SIPA1L3: variants seen among roughly 807,000 people sequenced by gnomAD.
The protein encoded by SIPA1L3 is signal induced proliferation associated 1 like 3.
SIPA1L3 carries 59 observed loss-of-function variants against 150.1 expected under a neutral mutation model. The ratio of observed to expected loss-of-function variants is 0.39; its 90% CI spans 0.32 to 0.49. The LOEUF (loss-of-function observed/expected upper bound fraction) is 0.49, where lower values mean the gene tolerates loss of function less well. SIPA1L3 is among the 20% of genes least tolerant of loss of function. The pLI is 0.86. For missense variants in SIPA1L3, 2,211 were observed against 2,489.5 expected (o/e 0.89, Z 2.38); for synonymous variants, 1,070 against 1,077.6 (o/e 0.99, Z 0.14).
At chr19:38,151,961 CAAAAAAAAAA>C (rs35851181) in intron 12 of SIPA1L3, among the ~76,000 whole-genome samples, 1 of 86,140 alleles carries the variant, frequency 1.2e-5, no homozygotes, top group African/African-American at 5.1e-5. Context: ...GACCCCATCT[CAAAAAAAAAA>C]AAAAAAAAAA....
intron 4 of SIPA1L3, among the ~76,000 whole-genome samples, chr19:38,096,632 G>A (rs533277410): frequency 2.2e-3 from 338 of 152,206 alleles, no homozygotes; most frequent in African/African-American, 7.5e-3. Context: ...TTCTTTGTGC[G>A]TTCTTGGTGT....
At chr19:38,194,758 A>AC (rs1972883453) in intron 18 of SIPA1L3, among the ~76,000 whole-genome samples, 1 of 150,406 alleles carries the variant, frequency 6.6e-6, no homozygotes, top group Non-Finnish European at 1.5e-5. Flanking sequence ...CCCTATTAAA[A>AC]CTCCCCTGCA....
intron 4 of SIPA1L3, among the ~76,000 whole-genome samples, chr19:38,094,748 C>T (rs73630888): frequency 0.017 from 2,639 of 152,044 alleles, 84 homozygotes; most frequent in African/African-American, 0.06. Flanking sequence ...ACCTGGACAA[C>T]GTAGCGAGAC....
At chr19:38,196,012 C>A (rs1330381700) in intron 18 of SIPA1L3, among the ~76,000 whole-genome samples, 31 of 152,118 alleles carry the variant, frequency 2.0e-4, no homozygotes. Context: ...CCTTCTCTGT[C>A]CATCTGACTC....
chr19:38,127,476 A>G (rs1015240461), intron 9 of SIPA1L3, among the ~76,000 whole-genome samples: 2 of 151,946 alleles, frequency 1.3e-5, no homozygotes, highest in African/African-American at 4.8e-5. Flanking sequence ...CAGAGATGTA[A>G]TTTTTTTTAT....
chr19:37,968,528 A>G (rs921024598), intron 1 of SIPA1L3, among the ~76,000 whole-genome samples: 1 of 152,212 alleles, frequency 6.6e-6, no homozygotes, highest in African/African-American at 2.4e-5. Context: ...CATTTCTAGC[A>G]TTCAGGGTCT....
chr19:38,051,751 C>G (rs1287987256), intron 2 of SIPA1L3, among the ~76,000 whole-genome samples: 1 of 152,128 alleles, frequency 6.6e-6, no homozygotes, highest in Non-Finnish European at 1.5e-5. Context: ...CACACACCAC[C>G]ACACCTGCTA....
intron 1 of SIPA1L3, among the ~76,000 whole-genome samples, chr19:37,915,469 C>T: frequency 6.6e-6 from 1 of 152,050 alleles, no homozygotes; most frequent in African/African-American, 2.4e-5. Context: ...GCAACCTCCG[C>T]TTCCTGGGTT....
At chr19:38,157,437 G>A (rs547491010) in intron 13 of SIPA1L3, among the ~76,000 whole-genome samples, 30 of 152,314 alleles carry the variant, frequency 2.0e-4, no homozygotes, top group Non-Finnish European at 3.4e-4. Flanking sequence ...GGTGAGCAGC[G>A]TAATCAGGAT....
intron 4 of SIPA1L3, among the ~76,000 whole-genome samples, chr19:38,092,735 T>C (rs1191664450): frequency 6.6e-6 from 1 of 152,006 alleles, no homozygotes; most frequent in East Asian, 1.9e-4. Context: ...AGACTGGGTG[T>C]TTGAGGGGGA....
rs1973153736 is a variant in SIPA1L3 at position 38,204,197 on chromosome 19, G to A, written c.5191G>A (p.Asp1731Asn). 1 of 1,556,192 alleles carries A rather than the reference G, an allele frequency of 6.4e-7. No individual in the cohort carries two copies. The highest frequency in any genetic ancestry group is 8.7e-7 in the Non-Finnish European group (1 of 1,149,432). The change falls in exon 21 of 22, where the codon GAC becomes AAC. Residue 1731 changes from aspartate to asparagine, a missense_variant. By Grantham distance (23) the Asp-to-Asn change is conservative. Coordinates refer to ENST00000222345, the MANE Select transcript of SIPA1L3 (RefSeq NM_015073.3). ...LEVMLKQLHT[D>N]LQKEKQDKVV... ...GGTGATGCTGAAACAGCTGCACACT[G>A]ACCTGCAGAAGGTAAGGCCGGGGGC...
At chr19:38,189,315 G>C (rs758631573) in intron 16 of SIPA1L3, among the ~76,000 whole-genome samples, 9 of 151,868 alleles carry the variant, frequency 5.9e-5, no homozygotes, top group Non-Finnish European at 1.0e-4. Context: ...GTAGAGGTGA[G>C]ATCTCACTGT....
chr19:38,008,504 C>T (rs1968017766), intron 1 of SIPA1L3, among the ~76,000 whole-genome samples: 1 of 152,094 alleles, frequency 6.6e-6, no homozygotes, highest in African/African-American at 2.4e-5. Context: ...GCTGGGATTG[C>T]AGACGTGAGC....
intron 2 of SIPA1L3, among the ~76,000 whole-genome samples, chr19:38,081,046 G>A (rs1250812661): frequency 6.6e-6 from 1 of 152,042 alleles, no homozygotes; most frequent in Non-Finnish European, 1.5e-5. Context: ...AAGGCTGGGT[G>A]AATAGATGAA....
intron 1 of SIPA1L3, among the ~76,000 whole-genome samples, chr19:37,918,866 G>A (rs1394828908): frequency 7.0e-6 from 1 of 141,868 alleles, no homozygotes; most frequent in Non-Finnish European, 1.5e-5. Flanking sequence ...GCGAGACTCG[G>A]TCTCAAAATA....
chr19:37,961,349 T>A (rs2046857101), intron 1 of SIPA1L3, among the ~76,000 whole-genome samples: 7 of 152,112 alleles, frequency 4.6e-5, no homozygotes, highest in Admixed American at 4.6e-4. Flanking sequence ...ATAGTTTTGC[T>A]GGCTATAGAA....
chr19:38,195,793 T>TA (rs1568605237), intron 18 of SIPA1L3, among the ~76,000 whole-genome samples: 20 of 20,034 alleles, frequency 1.0e-3, no homozygotes, highest in Non-Finnish European at 1.7e-3. Context: ...ACAGGCCCCG[T>TA]CCCCCCCCGC....
chr19:38,000,872 GTT>G (rs200765230), intron 1 of SIPA1L3, among the ~76,000 whole-genome samples: 14 of 130,884 alleles, frequency 1.1e-4, no homozygotes, highest in Admixed American at 4.0e-4. Flanking sequence ...TATGTTCCAA[GTT>G]TTTTATATAT....
chr19:38,179,148 TAC>T (rs1972505977), intron 15 of SIPA1L3, among the ~76,000 whole-genome samples: 1 of 152,210 alleles, frequency 6.6e-6, no homozygotes, highest in Admixed American at 6.5e-5. Flanking sequence ...AGTAAATAAA[TAC>T]AGTTTCAGGC....
Sources: gnomAD v4.1 joint callset for allele counts (sites outside exome capture counted in the v4.1 genomes callset) on GRCh38, gnomAD v4.1.1 for gene constraint, MANE v1.5 for transcripts, NCBI Gene and HGNC (gene_info 2026-07-23, HGNC 2026-07-21) for gene names.